The following GGACT variants were observed in gnomAD, a reference collection of about 807,000 sequenced individuals.
The protein encoded by GGACT is gamma-glutamylamine cyclotransferase, also known as gamma-glutamylaminecyclotransferase.
For synonymous variants in GGACT, 118 were observed against 115.3 expected (o/e 1.02, Z -0.15); for missense variants, 241 against 233.2 (o/e 1.03, Z -0.22).
intron 1 of GGACT, among the ~76,000 whole-genome samples, chr13:100,586,362 T>G (rs932065395): frequency 1.3e-5 from 2 of 152,208 alleles, no homozygotes; most frequent in African/African-American, 4.8e-5. Flanking sequence ...TCTACTTTGC[T>G]GGGCTTTTAT....
At chr13:100,565,951 C>T (rs552814610) in intron 2 of GGACT, among the ~76,000 whole-genome samples, 22 of 152,330 alleles carry the variant, frequency 1.4e-4, no homozygotes, top group African/African-American at 2.9e-4. Context: ...AGCTCTCTGC[C>T]GCTCTCAGAT....
chr13:100,533,972 C>T (rs931495348), intron 2 of GGACT, among the ~76,000 whole-genome samples: 2 of 152,240 alleles, frequency 1.3e-5, no homozygotes, highest in South Asian at 2.1e-4. Context: ...AAAACAAATG[C>T]GGCTATCCAG....
In GGACT at chr13:100,530,757, C is replaced by T. The variant is rs2088349742; in HGVS notation, c.*1373G>A. The stretch of plus-strand genomic sequence containing the variant: ...GGTGGCTGACTCCCCTGGAGGTCAC[C>T]CTGAAGCTTCCTGGTTGGCCGGGGG... On this transcript the variant is annotated 3_prime_UTR_variant, in exon 3 of 3. Transcript: ENST00000683975. The T allele has an allele frequency of 5.9e-6, 1 of 169,792 alleles. No homozygotes were observed. The highest frequency in any genetic ancestry group is 5.6e-5 in the Admixed American group (1 of 17,796). The allele number at this position is 169,792 out of a possible 1,614,324, so 10.5% of individuals were successfully genotyped here.
rs1040214394 is a variant in GGACT at position 100,532,263 on chromosome 13, G to A, written c.329C>T (p.Ala110Val). 1.3e-4 allele frequency: 201 copies of A among 1,529,368 alleles called. No individual in the cohort carries two copies. The highest frequency in any genetic ancestry group is 1.7e-4 in the Non-Finnish European group (198 of 1,132,860). The allele number at this position is 1,529,368 out of a possible 1,614,324, so 94.7% of individuals were successfully genotyped here. A position where few individuals can be genotyped will look rare whatever the true frequency, so the allele number is the denominator to read the frequency against. ...DRAPGAEEPPAPTAVQCFVYS... is the reference protein window; with the variant it reads ...DRAPGAEEPPVPTAVQCFVYS... ...CACGAAGCACTGCACCGCGGTGGGC[G>A]CTGGCGGCTCCTCTGCGCCCGGGGC... The change falls in exon 3 of 3, where the codon GCG becomes GTG. Residue 110 changes from alanine to valine, a missense_variant. Physicochemically the swap from Ala to Val is moderately conservative, Grantham distance 64 (BLOSUM62 0). Coordinates refer to ENST00000683975, the MANE Select transcript of GGACT (RefSeq NM_001195087.2).
chr13:100,557,950 G>A (rs375412671), intron 2 of GGACT, among the ~76,000 whole-genome samples: 4 of 152,088 alleles, frequency 2.6e-5, no homozygotes, highest in Non-Finnish European at 5.9e-5. Flanking sequence ...TTGGGAGGCC[G>A]AGGCGGGCGG....
intron 2 of GGACT, among the ~76,000 whole-genome samples, chr13:100,546,234 C>A (rs1436604696): frequency 6.6e-6 from 1 of 151,728 alleles, no homozygotes; most frequent in Non-Finnish European, 1.5e-5. Flanking sequence ...TGGTGGCGGG[C>A]GCCTATAGTC....
chr13:100,567,368 T>C (rs1316914643), intron 2 of GGACT, among the ~76,000 whole-genome samples: 2 of 152,230 alleles, frequency 1.3e-5, no homozygotes, highest in African/African-American at 4.8e-5. Context: ...GATGCTTACA[T>C]TGTCCCCTTT....
At chr13:100,542,153 C>T (rs190132629) in intron 2 of GGACT, among the ~76,000 whole-genome samples, 34 of 152,262 alleles carry the variant, frequency 2.2e-4, no homozygotes, top group African/African-American at 6.3e-4. Flanking sequence ...ATCAGAAAAG[C>T]GAATCAAGAA....
Position 100,534,252 on chromosome 13 carries a change from G to A in GGACT, c.-10-1651C>T, listed in dbSNP as rs528981497. On this transcript the variant is annotated intron_variant, in intron 2 of 2. Transcript: ENST00000683975. This position sits in a 1 kb window ranked among gnomAD's most constrained non-coding sequence, Gnocchi z 4.9. ...GGCACATTGCACTAGGAAAGGTGTG[G>A]CCGTGGGAAAAACACAAGGCTAGCC... Among the ~76,000 whole-genome samples the A allele has an allele frequency of 6.6e-6, 1 of 152,314 alleles. No individual in the cohort carries two copies. Among genetic ancestry groups the A allele is most frequent in the Non-Finnish European group, 1.5e-5 (1 of 68,038 alleles).
rs912653499 is a variant in GGACT at position 100,574,877 on chromosome 13, T to TA, written c.-11+8947dup. On this transcript the variant is annotated intron_variant, in intron 2 of 2. Transcript: ENST00000683975. ...ATATATAAATCATACTTATGTGTAT[T>TA]AAAAAAAAAAGAGACAGAAATCTAT... Among the ~76,000 whole-genome samples, 74 of 148,432 alleles carry TA rather than the reference T, an allele frequency of 5.0e-4. No individual in the cohort carries two copies. In the East Asian group the frequency reaches 0.01, roughly 21 times the overall value.
At chr13:100,577,087 A>G (rs191772744) in intron 2 of GGACT, among the ~76,000 whole-genome samples, 194 of 152,354 alleles carry the variant, frequency 1.3e-3, no homozygotes, top group African/African-American at 4.3e-3. Context: ...GGGATTTAAA[A>G]ATTCTGACTT....
chr13:100,534,635 C>T lies in GGACT; in HGVS notation c.-10-2034G>A, dbSNP rs943853929. On this transcript the variant is annotated intron_variant, in intron 2 of 2. Transcript: ENST00000683975. This position sits in a 1 kb window ranked among gnomAD's most constrained non-coding sequence, Gnocchi z 4.9. ...GGTTTGGATCCTGCTGTGCAGCTGCCTTGGGGACTCAGCATTTGGAAGGAT... is the reference window on the plus strand; with the variant it reads ...GGTTTGGATCCTGCTGTGCAGCTGCTTTGGGGACTCAGCATTTGGAAGGAT... 2.0e-5 allele frequency among the ~76,000 whole-genome samples: 3 copies of T among 152,126 alleles called. No individual in the cohort carries two copies. Among genetic ancestry groups the T allele is most frequent in the Non-Finnish European group, 4.4e-5 (3 of 68,006 alleles).
chr13:100,566,052 G>T (rs2088807802), intron 2 of GGACT, among the ~76,000 whole-genome samples: 1 of 152,214 alleles, frequency 6.6e-6, no homozygotes, highest in African/African-American at 2.4e-5. Context: ...CCAACAGTCA[G>T]AAAGGACCAA....
intron 2 of GGACT, among the ~76,000 whole-genome samples, chr13:100,555,521 C>T (rs1399818210): frequency 6.6e-6 from 1 of 151,768 alleles, no homozygotes; most frequent in African/African-American, 2.4e-5. Context: ...CAGAGTGAGA[C>T]CCCATCTCAG....
intron 2 of GGACT, among the ~76,000 whole-genome samples, chr13:100,575,874 G>A (rs9518097): frequency 0.22 from 33,655 of 152,084 alleles, 3,971 homozygotes; most frequent in Non-Finnish European, 0.26. Context: ...TTCATCGACC[G>A]ATCCAATCTA....
chr13:100,553,145 C>T (rs934650136), intron 2 of GGACT, among the ~76,000 whole-genome samples: 4 of 152,156 alleles, frequency 2.6e-5, no homozygotes, highest in Admixed American at 6.5e-5. Flanking sequence ...GAGAGCCGTT[C>T]GAGGGCACTA....
chr13:100,548,963 A>T (rs2088633194), intron 2 of GGACT, among the ~76,000 whole-genome samples: 1 of 152,366 alleles, frequency 6.6e-6, no homozygotes, highest in South Asian at 2.1e-4. Flanking sequence ...ACTTTCAAAG[A>T]TAACCACCAA....
chr13:100,532,085 G>A lies in GGACT; in HGVS notation c.*45C>T, dbSNP rs2153011724. 7.4e-7 allele frequency: 1 copy of A among 1,357,886 alleles called. No individual in the cohort carries two copies. The highest frequency in any genetic ancestry group is 2.6e-5 in the East Asian group (1 of 38,150). The allele number at this position is 1,357,886 out of a possible 1,614,324, so 84.1% of individuals were successfully genotyped here. On this transcript the variant is annotated 3_prime_UTR_variant, in exon 3 of 3. Transcript: ENST00000683975. Reference sequence around the variant, plus strand: ...ACCCAGCATGGGCTGGGCGCATCTTGGAGCCCCAGGGCTCTCAAACCTAGG... The same window carrying A: ...ACCCAGCATGGGCTGGGCGCATCTTAGAGCCCCAGGGCTCTCAAACCTAGG...
chr13:100,563,311 G>A (rs560960693), intron 2 of GGACT, among the ~76,000 whole-genome samples: 1 of 152,264 alleles, frequency 6.6e-6, no homozygotes, highest in African/African-American at 2.4e-5. Flanking sequence ...GGGCTGCCAG[G>A]GGCTCGGGAT....
Sources: gnomAD v4.1 joint callset for allele counts (sites outside exome capture counted in the v4.1 genomes callset) on GRCh38, gnomAD v4.1.1 for gene constraint, Gnocchi (gnomAD v3.1) non-coding constraint, MANE v1.5 for transcripts, NCBI Gene and HGNC (gene_info 2026-07-23, HGNC 2026-07-21) for gene names.